NCOR2: variants seen among roughly 807,000 people sequenced by gnomAD.
The protein encoded by NCOR2 is nuclear receptor corepressor 2.
NCOR2 carries 81 observed loss-of-function variants against 262.9 expected under a neutral mutation model. The ratio of observed to expected loss-of-function variants is 0.31; its 90% CI spans 0.26 to 0.37. The LOEUF (loss-of-function observed/expected upper bound fraction) is 0.37, where lower values mean the gene tolerates loss of function less well. Ranked by LOEUF, NCOR2 falls within the 10% of genes least tolerant of loss-of-function variation. The pLI is 1.00. For missense variants in NCOR2, 3,385 were observed against 3,621.4 expected (o/e 0.93, Z 1.68); for synonymous variants, 1,659 against 1,559.3 (o/e 1.06, Z -1.51).
intron 12 of NCOR2, among the ~76,000 whole-genome samples, chr12:124,420,436 C>G (rs180707148): frequency 6.6e-6 from 1 of 152,214 alleles, no homozygotes; most frequent in Non-Finnish European, 1.5e-5. Flanking sequence ...AGCCCACAGC[C>G]GGGCAAACTC....
Position 124,390,727 on chromosome 12 carries a change from G to A in NCOR2, c.1877-4840C>T, listed in dbSNP as rs183821388. On this transcript the variant is annotated intron_variant, in intron 16 of 46. Transcript: ENST00000405201. ...CTGGGGTATCCCCCTTGACATCCAGGCACACGCCCCCAACACTCTGTGCCA... is the reference window on the plus strand; with the variant it reads ...CTGGGGTATCCCCCTTGACATCCAGACACACGCCCCCAACACTCTGTGCCA... Among the ~76,000 whole-genome samples, 669 of 152,340 alleles carry A rather than the reference G, an allele frequency of 4.4e-3. 12 individuals are homozygous for A. Among genetic ancestry groups the A allele is most frequent in the East Asian group, 0.013 (67 of 5,178 alleles).
intron 16 of NCOR2, among the ~76,000 whole-genome samples, chr12:124,386,689 G>A (rs570398256): frequency 6.6e-5 from 10 of 152,262 alleles, no homozygotes; most frequent in East Asian, 1.9e-4. Flanking sequence ...AGAGCATGCC[G>A]CCCCCCAGGT....
chr12:124,564,124 C>T (rs779509339), intron 1 of NCOR2, among the ~76,000 whole-genome samples: 7 of 152,250 alleles, frequency 4.6e-5, no homozygotes, highest in Admixed American at 2.6e-4. Flanking sequence ...TTATTACTAG[C>T]GTATGATCCA....
chr12:124,468,962 A>T (rs1486746809), intron 4 of NCOR2, among the ~76,000 whole-genome samples: 2 of 41,538 alleles, frequency 4.8e-5, no homozygotes, highest in East Asian at 7.6e-4. Context: ...CATCACCCTC[A>T]TCCTCATCAC....
In NCOR2 at chr12:124,389,621, T is replaced by G. The variant is rs2041131007; in HGVS notation, c.1877-3734A>C. On this transcript the variant is annotated intron_variant, in intron 16 of 46. Coordinates refer to ENST00000405201, the Ensembl canonical transcript of NCOR2. This position sits in a 1 kb window ranked among gnomAD's most constrained non-coding sequence, Gnocchi z 4.4. ...GAGCTCTGCCCCCTGCCTGGCCTGA[T>G]GCTGCCGAGGCTGACCGAGCCCTCT... 6.6e-6 allele frequency among the ~76,000 whole-genome samples: 1 copy of G among 152,004 alleles called. No individual in the cohort carries two copies. The highest frequency in any genetic ancestry group is 1.5e-5 in the Non-Finnish European group (1 of 67,988).
intron 20 of NCOR2, among the ~76,000 whole-genome samples, chr12:124,366,499 TAAG>T (rs1480356261): frequency 6.6e-6 from 1 of 152,104 alleles, no homozygotes; most frequent in African/African-American, 2.4e-5. Flanking sequence ...CTGAATATAC[TAAG>T]AAGAACTGAA....
intron 3 of NCOR2, 52 bp from the exon 6 acceptor site, chr12:124,473,183 T>C: frequency 6.3e-7 from 1 of 1,598,734 alleles, no homozygotes; most frequent in Non-Finnish European, 8.5e-7. Context: ...CACCCCCCAG[T>C]CTGTACAACC....
chr12:124,523,536 C>A lies in NCOR2; in HGVS notation c.-118+12029G>T, dbSNP rs1462593077. Reference sequence around the variant, plus strand: ...TGGGCTTCACGCGGCCTCCACTGTGCCTTACAACCGGCGTGTCCAGTCTTT... The same window carrying A: ...TGGGCTTCACGCGGCCTCCACTGTGACTTACAACCGGCGTGTCCAGTCTTT... On this transcript the variant is annotated intron_variant, in intron 1 of 46. Transcript: ENST00000404621. The surrounding 1 kb of genome is among the most constrained non-coding windows in gnomAD (Gnocchi z 4.0). Among the ~76,000 whole-genome samples, 1 of 152,008 alleles carries A rather than the reference C, an allele frequency of 6.6e-6. No individual in the cohort carries two copies. Among genetic ancestry groups the A allele is most frequent in the Non-Finnish European group, 1.5e-5 (1 of 68,022 alleles).
At chr12:124,357,807 TGCGC>T (rs1314260640) in intron 22 of NCOR2, among the ~76,000 whole-genome samples, 2 of 149,968 alleles carry the variant, frequency 1.3e-5, no homozygotes, top group Non-Finnish European at 3.0e-5. Flanking sequence ...TGTGTGTGTG[TGCGC>T]GCACGCGCGT....
chr12:124,375,829 C>A (rs1008535269), intron 18 of NCOR2, among the ~76,000 whole-genome samples: 1 of 152,220 alleles, frequency 6.6e-6, no homozygotes, highest in African/African-American at 2.4e-5. Context: ...CTCCCAGCCC[C>A]GCGCTGGTGT....
At chr12:124,479,309 C>T (rs938245284) in intron 3 of NCOR2, among the ~76,000 whole-genome samples, 6 of 151,880 alleles carry the variant, frequency 4.0e-5, no homozygotes, top group Non-Finnish European at 7.4e-5. Context: ...CGCACATGCA[C>T]GGACACATGC....
chr12:124,334,615 C>A, exon 41 of NCOR2: 1 of 1,382,770 alleles, frequency 7.2e-7, no homozygotes. Flanking sequence ...GTGTGATGAC[C>A]TCCTGCAGGC....
At chr12:124,336,290 G>A (rs2035883432) in intron 38 of NCOR2, 1 of 168,066 alleles carries the variant, frequency 6.0e-6, no homozygotes, top group Non-Finnish European at 1.3e-5. Context: ...GGGGGCGTAG[G>A]CCCGAGCCCT....
rs2050293011 is a variant in NCOR2, at chr12:124,523,387, C to T, written c.-118+12178G>A. 6.6e-6 allele frequency among the ~76,000 whole-genome samples: 1 copy of T among 152,094 alleles called. No homozygotes were observed. The highest frequency in any genetic ancestry group is 2.4e-5 in the African/African-American group (1 of 41,414). ...ACCCACACCCCGGTGGCAGGGGCAG[C>T]GGCAGAGGAAAGAGGAGTGCCCAGG... On this transcript the variant is annotated intron_variant, in intron 1 of 46. Coordinates refer to the NCOR2 transcript ENST00000404621. This position sits in a 1 kb window ranked among gnomAD's most constrained non-coding sequence, Gnocchi z 4.0.
intron 1 of NCOR2, among the ~76,000 whole-genome samples, chr12:124,543,041 T>C (rs1040708021): frequency 1.5e-4 from 1 of 6,470 alleles, no homozygotes; most frequent in South Asian, 5.1e-3. Context: ...CAAGGGCGGG[T>C]GGGTGGGCGA....
chr12:124,503,838 G>A lies in NCOR2; in HGVS notation c.-117-8470C>T, dbSNP rs571715225. ...TATCAACTTAGCTGCTTCATTTTCC[G>A]GGTTTTTCTGGTCTTACATTTCTAA... On this transcript the variant is annotated intron_variant, in intron 1 of 46. Coordinates refer to the NCOR2 transcript ENST00000404621. This position sits in a 1 kb window ranked among gnomAD's most constrained non-coding sequence, Gnocchi z 4.3. Among the ~76,000 whole-genome samples the A allele has an allele frequency of 8.5e-5, 13 of 152,264 alleles. No homozygotes were observed. The East Asian group carries it at 9.6e-4, about 11-fold the overall frequency.
At chr12:124,388,810 T>C in intron 16 of NCOR2, 3 of 1,293,608 alleles carry the variant, frequency 2.3e-6, no homozygotes, top group Non-Finnish European at 2.0e-6. Flanking sequence ...GCGAGGCTGC[T>C]GGTTGGCGTC....
chr12:124,484,057 G>A (rs1008088299), intron 2 of NCOR2, among the ~76,000 whole-genome samples: 3 of 152,042 alleles, frequency 2.0e-5, no homozygotes, highest in East Asian at 1.9e-4. Flanking sequence ...CCCTTGCTAC[G>A]GACCACCCCA....
intron 8 of NCOR2, among the ~76,000 whole-genome samples, chr12:124,437,386 C>A (rs966345524): frequency 6.6e-6 from 1 of 152,206 alleles, no homozygotes; most frequent in African/African-American, 2.4e-5. Context: ...CCACAGCCTA[C>A]AGTGAGAAGC....
Sources: allele counts gnomAD v4.1 joint callset (sites outside exome capture counted in the v4.1 genomes callset), GRCh38; gene constraint gnomAD v4.1.1; non-coding constraint Gnocchi (gnomAD v3.1); transcripts MANE v1.5; gene names NCBI Gene and HGNC (gene_info 2026-07-23, HGNC 2026-07-21).